The following PIBF1 variants were observed in gnomAD, a reference collection of about 807,000 sequenced individuals.
PIBF1 encodes the protein progesterone immunomodulatory binding factor 1.
A neutral mutation model predicts 112.5 loss-of-function variants in PIBF1; 90 were observed. That is an observed-to-expected ratio of 0.80 (90% CI 0.67 to 0.95). The LOEUF is 0.95. Ranked by LOEUF, PIBF1 falls within the 40% of genes least tolerant of loss-of-function variation. The probability of loss-of-function intolerance (pLI) is 0.00; values close to 1 mark genes in which losing one functional copy is unlikely to be tolerated. For missense variants in PIBF1, 915 were observed against 852.3 expected (o/e 1.07, Z -0.92); for synonymous variants, 301 against 288.6 (o/e 1.04, Z -0.44).
rs981946727 is a variant in PIBF1 at position 72,783,342 on chromosome 13, C to T, written c.-47-81C>T. On this transcript the variant is annotated intron_variant, in intron 1 of 17. Coordinates refer to ENST00000326291, the MANE Select transcript of PIBF1 (RefSeq NM_006346.4). ...ATTGCCTAATATTTATTTAAGGAAT[C>T]CTTAGTCTCTCTTTAATACAGTCCA... The T allele has an allele frequency of 8.9e-5, 59 of 660,520 alleles. No homozygotes were observed. In the African/African-American group the frequency reaches 9.3e-4, roughly 10 times the overall value. The allele number at this position is 660,520 out of a possible 1,614,324, so 40.9% of individuals were successfully genotyped here.
intron 5 of PIBF1, among the ~76,000 whole-genome samples, chr13:72,815,907 A>C (rs2036248610): frequency 6.6e-6 from 1 of 152,224 alleles, no homozygotes; most frequent in Non-Finnish European, 1.5e-5. Flanking sequence ...TTTGGGGGTT[A>C]ATATGTGATA....
intron 14 of PIBF1, among the ~76,000 whole-genome samples, chr13:72,950,885 T>C (rs143285672): frequency 9.2e-5 from 14 of 152,300 alleles, no homozygotes; most frequent in South Asian, 2.1e-4. Flanking sequence ...ATGAAGAAGA[T>C]TGCGGACAGT....
chr13:72,889,539 A>G (rs2039979426), intron 10 of PIBF1, among the ~76,000 whole-genome samples: 1 of 152,152 alleles, frequency 6.6e-6, no homozygotes, highest in South Asian at 2.1e-4. Context: ...GTGCTTTGTT[A>G]TTAGTTAATT....
At position 72,835,369 on chromosome 13, in the gene PIBF1, GT is replaced by G; in HGVS notation, c.1223+2del. The G allele has an allele frequency of 6.6e-7, 1 of 1,524,582 alleles. No individual in the cohort carries two copies. The highest frequency in any genetic ancestry group is 8.7e-7 in the Non-Finnish European group (1 of 1,143,066). 94.4% of individuals were successfully genotyped at this position (1,524,582 alleles called of 1,614,324 possible). The stretch of plus-strand genomic sequence containing the variant: ...GGGAAATGTATGAACGAGAAAACAG[GT>G]AAAAAAAAAAAAATGCTTGTATGGT... On this transcript the variant is annotated splice_donor_variant, in intron 9 of 17. Coordinates refer to ENST00000326291, the MANE Select transcript of PIBF1 (RefSeq NM_006346.4). LOFTEE classifies it high-confidence loss of function.
At chr13:72,800,656 A>G (rs536475599) in intron 5 of PIBF1, among the ~76,000 whole-genome samples, 1 of 152,322 alleles carries the variant, frequency 6.6e-6, no homozygotes, top group South Asian at 2.1e-4. Context: ...TACGGCATGC[A>G]TTATTCTTGG....
chr13:72,927,436 G>A lies in PIBF1; in HGVS notation c.1731-3729G>A, dbSNP rs906589718. 7.9e-5 allele frequency among the ~76,000 whole-genome samples: 12 copies of A among 152,168 alleles called. No homozygotes were observed. The Middle Eastern group carries it at 0.01, about 129-fold the overall frequency. On this transcript the variant is annotated intron_variant, in intron 13 of 17. Coordinates refer to ENST00000326291, the MANE Select transcript of PIBF1 (RefSeq NM_006346.4). ...GGAGAATGGCGCGAACCCGGGAGGC[G>A]GAACTTGCAGTGAGCCGAGATCGCG... is the stretch of plus-strand genomic sequence containing the variant.
chr13:73,000,327 G>C (rs993543921), intron 17 of PIBF1, among the ~76,000 whole-genome samples: 4 of 152,104 alleles, frequency 2.6e-5, no homozygotes, highest in African/African-American at 9.7e-5. Flanking sequence ...TTATAATGTA[G>C]TTCTCCCTGT....
intron 5 of PIBF1, among the ~76,000 whole-genome samples, chr13:72,809,984 C>G (rs1056708329): frequency 1.3e-5 from 2 of 152,032 alleles, no homozygotes; most frequent in African/African-American, 4.8e-5. Flanking sequence ...TTTTCCAGAT[C>G]TTTAGTTATT....
chr13:72,820,785 A>G (rs1313076280), intron 5 of PIBF1, among the ~76,000 whole-genome samples: 6 of 152,156 alleles, frequency 3.9e-5, no homozygotes. Flanking sequence ...CCAGCTTCTG[A>G]AGGTGGAGTT....
At chr13:72,820,437 A>G (rs750657748) in intron 5 of PIBF1, among the ~76,000 whole-genome samples, 15 of 152,282 alleles carry the variant, frequency 9.9e-5, no homozygotes, top group Middle Eastern at 3.4e-3. Flanking sequence ...CTGTAATCCC[A>G]TAATAAGTAC....
At position 73,016,172 on chromosome 13, in the gene PIBF1, A is replaced by G. The variant is rs1474493288; in HGVS notation, c.*253A>G. The G allele has an allele frequency of 1.2e-5, 2 of 173,034 alleles. No individual in the cohort carries two copies. Among genetic ancestry groups the G allele is most frequent in the East Asian group, 1.4e-4 (1 of 7,108 alleles). 10.7% of individuals were successfully genotyped at this position (173,034 alleles called of 1,614,324 possible). ...ATTTTGGAGCTTTCATAAATGTTCA[A>G]TGCATTTTAAGTGTGTGGCTTATAA... On this transcript the variant is annotated 3_prime_UTR_variant, in exon 18 of 18. Coordinates refer to ENST00000326291, the MANE Select transcript of PIBF1 (RefSeq NM_006346.4).
At chr13:72,817,133 A>G (rs2036310705) in intron 5 of PIBF1, among the ~76,000 whole-genome samples, 1 of 152,208 alleles carries the variant, frequency 6.6e-6, no homozygotes. Flanking sequence ...TTTGAACCTT[A>G]AGGTAAATGT....
intron 6 of PIBF1, among the ~76,000 whole-genome samples, 200 bp downstream of exon 6, chr13:72,822,182 T>A (rs1470708466): frequency 1.3e-5 from 2 of 152,208 alleles, no homozygotes; most frequent in Non-Finnish European, 2.9e-5. Context: ...ATGTCACTGC[T>A]GTCTTAAAAT....
intron 8 of PIBF1, among the ~76,000 whole-genome samples, chr13:72,831,418 C>G (rs962171383): frequency 2.6e-5 from 4 of 152,118 alleles, no homozygotes; most frequent in African/African-American, 9.7e-5. Flanking sequence ...ATAAATTTCC[C>G]TCTACACACT....
chr13:72,877,735 T>C (rs1262946343), intron 10 of PIBF1, among the ~76,000 whole-genome samples: 1 of 151,588 alleles, frequency 6.6e-6, no homozygotes, highest in Non-Finnish European at 1.5e-5. Context: ...GTTTCATTTC[T>C]TTTTTTTCTT....
At position 72,855,143 on chromosome 13, in the gene PIBF1, A is replaced by G. The variant is rs1324745398; in HGVS notation, c.1322+988A>G. On this transcript the variant is annotated intron_variant, in intron 10 of 17. Coordinates refer to ENST00000326291, the MANE Select transcript of PIBF1 (RefSeq NM_006346.4). ...CTAATAAACTTTTGAAATTAAGTTC[A>G]ATGGGTCTTTTAATTGTTAAATGAA... 3.9e-5 allele frequency among the ~76,000 whole-genome samples: 6 copies of G among 152,280 alleles called. No individual in the cohort carries two copies. In the East Asian group the frequency reaches 1.2e-3, roughly 29 times the overall value.
chr13:72,977,241 G>A (rs2043045336), intron 16 of PIBF1, among the ~76,000 whole-genome samples: 2 of 152,082 alleles, frequency 1.3e-5, no homozygotes, highest in Admixed American at 1.3e-4. Flanking sequence ...GTCTTGCTCT[G>A]TCACCCAGGC....
intron 9 of PIBF1, among the ~76,000 whole-genome samples, chr13:72,850,642 CAT>C (rs774044325): frequency 1.3e-5 from 2 of 152,174 alleles, no homozygotes; most frequent in African/African-American, 2.4e-5. Context: ...GCCGAAATAA[CAT>C]ATAGAATAAT....
At chr13:72,932,185 C>T (rs1049399956) in intron 14 of PIBF1, among the ~76,000 whole-genome samples, 1 of 152,046 alleles carries the variant, frequency 6.6e-6, no homozygotes. Context: ...CTCAAGCGAT[C>T]CACCTGCCTA....
Sources: allele counts gnomAD v4.1 joint callset (sites outside exome capture counted in the v4.1 genomes callset), GRCh38; gene constraint gnomAD v4.1.1; transcripts MANE v1.5; gene names NCBI Gene and HGNC (gene_info 2026-07-23, HGNC 2026-07-21).